Variants in VPS13B observed in about 807,000 individuals in gnomAD.
VPS13B encodes vacuolar protein sorting 13 homolog B, also known as intermembrane lipid transfer protein VPS13B.
VPS13B carries 285 observed loss-of-function variants against 426.4 expected under a neutral mutation model. The ratio of observed to expected loss-of-function variants is 0.67; its 90% CI spans 0.61 to 0.74. The LOEUF is 0.74. Among genes scored for constraint, VPS13B ranks in the 30% least tolerant of loss-of-function variants. The pLI, the probability that VPS13B is intolerant of heterozygous loss-of-function variation, is 0.00. For synonymous variants in VPS13B, 1,676 were observed against 1,676.4 expected (o/e 1.00, Z 0.01); for missense variants, 4,537 against 4,782.6 (o/e 0.95, Z 1.51).
At chr8:99,095,396 C>T (rs939456008) in intron 3 of VPS13B, among the ~76,000 whole-genome samples, 20 of 152,076 alleles carry the variant, frequency 1.3e-4, no homozygotes, top group Admixed American at 5.9e-4. Context: ...CTTATGGTTC[C>T]TCCCACCACC....
At chr8:99,212,327 G>T (rs1458872009) in intron 17 of VPS13B, among the ~76,000 whole-genome samples, 1 of 152,166 alleles carries the variant, frequency 6.6e-6, no homozygotes, top group African/African-American at 2.4e-5. Flanking sequence ...GAGGCCAATG[G>T]GGTTGAAAAA....
Position 99,135,162 on chromosome 8 carries a change from T to C in VPS13B, c.1425+25T>C, listed in dbSNP as rs747293614. The C allele has an allele frequency of 1.7e-5, 28 of 1,612,394 alleles. No individual in the cohort carries two copies. In the East Asian group the frequency reaches 6.0e-4, roughly 35 times the overall value. On this transcript the variant is annotated intron_variant, in intron 10 of 61. Transcript: ENST00000357162. ...TGTAAGTCCGTTTCCTCCATCCTTT[T>C]TTGGATAGGATATAGGAATAATTAA... is the stretch of plus-strand genomic sequence containing the variant.
chr8:99,303,753 A>G (rs1024627062), intron 19 of VPS13B, among the ~76,000 whole-genome samples: 7 of 150,538 alleles, frequency 4.6e-5, no homozygotes, highest in African/African-American at 1.7e-4. Context: ...AAAAAAAAAG[A>G]ATATATGTTT....
At chr8:99,128,386 CAAAAAAAAAAAAAAAAAA>C (rs71273165) in intron 8 of VPS13B, among the ~76,000 whole-genome samples, 11 of 34,220 alleles carry the variant, frequency 3.2e-4, no homozygotes, top group East Asian at 1.1e-3. Context: ...GATACTGTCC[CAAAAAAAAAAAAAAAAAA>C]AAAAAAAAAA....
chr8:99,140,902 A>G (rs1418106238), intron 12 of VPS13B, among the ~76,000 whole-genome samples: 1 of 152,126 alleles, frequency 6.6e-6, no homozygotes, highest in Non-Finnish European at 1.5e-5. Flanking sequence ...TAAAAACTAA[A>G]TGGAAATATT....
chr8:99,388,696 G>T (rs1238728652), intron 20 of VPS13B, among the ~76,000 whole-genome samples: 1 of 152,146 alleles, frequency 6.6e-6, no homozygotes, highest in Non-Finnish European at 1.5e-5. Flanking sequence ...TCCTTATTTG[G>T]TATCACTTAA....
At chr8:99,786,754 A>G (rs1812285221) in intron 43 of VPS13B, among the ~76,000 whole-genome samples, 6 of 152,174 alleles carry the variant, frequency 3.9e-5, no homozygotes, top group Admixed American at 3.9e-4. Flanking sequence ...GATAACCTAG[A>G]TAATATTTAT....
At position 99,817,789 on chromosome 8, in the gene VPS13B, A is replaced by G. The variant is rs1169029943; in HGVS notation, c.8347A>G (p.Ser2783Gly). 1.2e-6 allele frequency: 2 copies of G among 1,614,108 alleles called. No homozygotes were observed. Among genetic ancestry groups the G allele is most frequent in the East Asian group, 2.2e-5 (1 of 44,848 alleles). The change falls in exon 45 of 62, where the codon AGC becomes GGC. Residue 2783 changes from serine to glycine, a missense_variant. Transcript: ENST00000357162. The stretch of plus-strand genomic sequence containing the variant: ...CCTGGAATCCAAAGCCCCTGAGTAC[A>G]GCATTGTCATTCAGGTTTGAAAAGA... ...VCLESKAPEY[S>G]IVIQVPSSNS... is the part of the protein sequence containing the mutation.
At chr8:99,583,653 C>A (rs888789317) in intron 33 of VPS13B, among the ~76,000 whole-genome samples, 9 of 151,940 alleles carry the variant, frequency 5.9e-5, no homozygotes, top group African/African-American at 2.2e-4. Flanking sequence ...TAAGGATTGT[C>A]AGAAATAATT....
chr8:99,038,609 A>G, intron 3 of VPS13B, 43 bp downstream of exon 3: 1 of 1,507,902 alleles, frequency 6.6e-7, no homozygotes, highest in Admixed American at 1.7e-5. Flanking sequence ...AACTAATTTT[A>G]GTAGTATTTG....
At chr8:99,874,991 T>A (rs1315087964) in intron 61 of VPS13B, 1 of 244,226 alleles carries the variant, frequency 4.1e-6, no homozygotes, top group African/African-American at 2.3e-5. Context: ...CTGAAGAGGT[T>A]TGGGGAGCTA....
At chr8:99,077,287 C>T (rs1223492209) in intron 3 of VPS13B, among the ~76,000 whole-genome samples, 1 of 152,084 alleles carries the variant, frequency 6.6e-6, no homozygotes, top group South Asian at 2.1e-4. Context: ...ATTCTCTTGC[C>T]TCAGCCTCCC....
chr8:99,178,874 G>A lies in VPS13B; in HGVS notation c.2333+8711G>A, dbSNP rs1363203482. On this transcript the variant is annotated intron_variant, in intron 16 of 61. Coordinates refer to ENST00000357162, the MANE Select transcript of VPS13B (RefSeq NM_152564.5). ...TGACCTCAAGTGAGCCACCCGCCTCGGCCTCCCAAAGTGCAGGGATTACAG... is the reference window on the plus strand; with the variant it reads ...TGACCTCAAGTGAGCCACCCGCCTCAGCCTCCCAAAGTGCAGGGATTACAG... Among the ~76,000 whole-genome samples, 7 of 151,902 alleles carry A rather than the reference G, an allele frequency of 4.6e-5. 1 individual carries two copies. Among genetic ancestry groups the A allele is most frequent in the South Asian group, 4.2e-4 (2 of 4,806 alleles).
At chr8:99,643,573 A>C (rs1829457870) in intron 34 of VPS13B, among the ~76,000 whole-genome samples, 1 of 152,082 alleles carries the variant, frequency 6.6e-6, no homozygotes, top group Admixed American at 6.6e-5. Flanking sequence ...GCTGAGGAGT[A>C]ACCTAGGGTT....
intron 3 of VPS13B, among the ~76,000 whole-genome samples, chr8:99,078,405 C>T (rs1845257028): frequency 6.6e-6 from 1 of 151,350 alleles, no homozygotes. Flanking sequence ...GTATAGTCTG[C>T]ATGATTTCTT....
At chr8:99,274,099 A>G (rs1002410672) in intron 17 of VPS13B, 99 bp from the exon 18 acceptor site, 6 of 1,477,476 alleles carry the variant, frequency 4.1e-6, no homozygotes, top group Non-Finnish European at 5.6e-6. Flanking sequence ...CATCTGAGGT[A>G]GACAGTTAGA....
chr8:99,317,688 G>T (rs1809748290), intron 19 of VPS13B, among the ~76,000 whole-genome samples: 1 of 151,930 alleles, frequency 6.6e-6, no homozygotes, highest in African/African-American at 2.4e-5. Flanking sequence ...TTACCTTGGT[G>T]TAATAAAAAT....
intron 35 of VPS13B, among the ~76,000 whole-genome samples, chr8:99,677,564 G>C (rs1830990402): frequency 6.6e-6 from 1 of 152,084 alleles, no homozygotes; most frequent in South Asian, 2.1e-4. Context: ...ATTTTAGGAA[G>C]AAATGAGAAA....
At chr8:99,575,184 A>G (rs1049673351) in intron 31 of VPS13B, among the ~76,000 whole-genome samples, 4 of 152,074 alleles carry the variant, frequency 2.6e-5, no homozygotes, top group Admixed American at 2.0e-4. Context: ...ATGAATTAAC[A>G]TTGTTCTTAG....
Sources: allele counts gnomAD v4.1 joint callset (sites outside exome capture counted in the v4.1 genomes callset), GRCh38; gene constraint gnomAD v4.1.1; transcripts MANE v1.5; gene names NCBI Gene and HGNC (gene_info 2026-07-23, HGNC 2026-07-21).